The following PTK2B variants were observed in gnomAD, a reference collection of about 807,000 sequenced individuals.
The protein encoded by PTK2B is protein-tyrosine kinase 2-beta.
In PTK2B, 71 loss-of-function variants were observed where a neutral mutation model predicts 142.9. That is an observed-to-expected ratio of 0.50 (90% CI 0.41 to 0.61). The LOEUF (loss-of-function observed/expected upper bound fraction) is 0.61. Among genes scored for constraint, PTK2B ranks in the 20% least tolerant of loss-of-function variants. The pLI, the probability that PTK2B is intolerant of heterozygous loss-of-function variation, is 0.00. For missense variants in PTK2B, 1,105 were observed against 1,320.4 expected, an observed-to-expected ratio of 0.84 and a Z score of 2.53; for synonymous variants, 519 against 503.4, an observed-to-expected ratio of 1.03 and a Z score of -0.42.
At chr8:27,413,183 C>T (rs995226677) in intron 2 of PTK2B, among the ~76,000 whole-genome samples, 2 of 152,164 alleles carry the variant, frequency 1.3e-5, no homozygotes, top group Non-Finnish European at 2.9e-5. Flanking sequence ...TGCCCATTAT[C>T]GTTATTCTTT....
chr8:27,432,960 G>A (rs1032540393), intron 10 of PTK2B, among the ~76,000 whole-genome samples: 4 of 152,134 alleles, frequency 2.6e-5, no homozygotes, highest in Non-Finnish European at 5.9e-5. Context: ...CTGAGTAGCT[G>A]GGACTACAGG....
chr8:27,458,683 T>A lies in PTK2B; in HGVS notation c.*174T>A. ...CTACCCCTGGCTGTACTGCTCAGGC[T>A]GCAGCTGGACAGAGGGGACTCTGGG... On this transcript the variant is annotated 3_prime_UTR_variant, in exon 31 of 31. Transcript: ENST00000346049. 1.5e-6 allele frequency: 1 copy of A among 659,624 alleles called. No individual in the cohort carries two copies. The highest frequency in any genetic ancestry group is 1.9e-5 in the South Asian group (1 of 53,150). The allele number at this position is 659,624 out of a possible 1,614,324, so 40.9% of individuals were successfully genotyped here.
At chr8:27,340,704 C>A (rs539757427) in intron 1 of PTK2B, among the ~76,000 whole-genome samples, 1 of 152,360 alleles carries the variant, frequency 6.6e-6, no homozygotes, top group South Asian at 2.1e-4. Flanking sequence ...CATGGGCAGA[C>A]AGGCATTTCT....
chr8:27,311,113 G>A (rs760449319), upstream of PTK2B: 6 of 1,600,142 alleles, frequency 3.7e-6, no homozygotes, highest in Admixed American at 3.5e-5. Flanking sequence ...CGCACCCGCG[G>A]CAGAAGTTGT....
chr8:27,422,427 C>T (rs1809819008), intron 5 of PTK2B, 44 bp downstream of exon 5: 1 of 1,524,118 alleles, frequency 6.6e-7, no homozygotes, highest in East Asian at 2.3e-5. Flanking sequence ...CTGTGCTGAG[C>T]TCTGGGCAGG....
intron 14 of PTK2B, 94 bp downstream of exon 14, chr8:27,435,887 C>T: frequency 7.1e-7 from 1 of 1,408,136 alleles, no homozygotes; most frequent in South Asian, 1.2e-5. Flanking sequence ...CATTCTTTTC[C>T]TCCTTTATCC....
chr8:27,405,963 T>C (rs865999933), intron 2 of PTK2B, among the ~76,000 whole-genome samples: 25 of 152,330 alleles, frequency 1.6e-4, no homozygotes, highest in Middle Eastern at 3.4e-3. Context: ...CTGCAAATTA[T>C]CACAAACCTG....
At chr8:27,313,644 C>T (rs1186502594) in intron 3 of PTK2B, among the ~76,000 whole-genome samples, 1 of 152,122 alleles carries the variant, frequency 6.6e-6, no homozygotes, top group Non-Finnish European at 1.5e-5. Context: ...GCACCATGTG[C>T]TTAGGAATTT....
At chr8:27,322,574 T>C (rs1461545993), upstream of PTK2B, 1 of 152,248 alleles carries the variant, frequency 6.6e-6, no homozygotes, top group African/African-American at 2.4e-5. Flanking sequence ...ATAGAATTTT[T>C]CATAGCATTT....
At chr8:27,339,400 C>T (rs1304113378) in intron 1 of PTK2B, among the ~76,000 whole-genome samples, 3 of 152,340 alleles carry the variant, frequency 2.0e-5, no homozygotes, top group Middle Eastern at 3.4e-3. Flanking sequence ...TCAGAGGCCA[C>T]ACTCACCACC....
intron 1 of PTK2B, among the ~76,000 whole-genome samples, chr8:27,359,222 TCTC>T (rs1474624823): frequency 6.6e-6 from 1 of 152,156 alleles, no homozygotes; most frequent in African/African-American, 2.4e-5. Flanking sequence ...TTCAAGTAAT[TCTC>T]CTGCCACAGC....
rs372469672 is a variant in PTK2B at position 27,433,587 on chromosome 8, C to T, written c.1105+35C>T. 1.5e-4 allele frequency: 235 copies of T among 1,560,654 alleles called. 1 individual carries two copies. The highest frequency in any genetic ancestry group is 1.9e-4 in the Non-Finnish European group (213 of 1,133,050). On this transcript the variant is annotated intron_variant, in intron 11 of 30. Coordinates refer to ENST00000346049, the MANE Select transcript of PTK2B (RefSeq NM_173176.3). ...ATTTAAAGGTAAAGTGGCTGGACCA[C>T]GGGTGGCAGCACACCCGAGTCCCCA... is the stretch of plus-strand genomic sequence containing the variant.
intron 2 of PTK2B, among the ~76,000 whole-genome samples, chr8:27,401,614 G>T (rs1040266717): frequency 2.0e-5 from 3 of 152,222 alleles, no homozygotes; most frequent in Non-Finnish European, 4.4e-5. Context: ...CACATAGCGG[G>T]TTTGAGACTA....
intron 1 of PTK2B, among the ~76,000 whole-genome samples, chr8:27,378,601 C>G (rs1045366132): frequency 2.7e-5 from 4 of 148,286 alleles, no homozygotes; most frequent in Admixed American, 2.0e-4. Context: ...TACAGCTTAT[C>G]TGTGTGTGTG....
chr8:27,336,733 G>A (rs1223843848), intron 1 of PTK2B, among the ~76,000 whole-genome samples: 1 of 152,202 alleles, frequency 6.6e-6, no homozygotes, highest in East Asian at 1.9e-4. Flanking sequence ...CTTGTCACCA[G>A]AACCCTTTCT....
intron 1 of PTK2B, among the ~76,000 whole-genome samples, chr8:27,362,628 T>G (rs1353870318): frequency 6.7e-6 from 1 of 149,614 alleles, no homozygotes; most frequent in Non-Finnish European, 1.5e-5. Flanking sequence ...GTGTTTTCTT[T>G]CCCCCCACCA....
At chr8:27,409,552 G>T (rs1375490613) in intron 2 of PTK2B, among the ~76,000 whole-genome samples, 8 of 152,144 alleles carry the variant, frequency 5.3e-5, no homozygotes, top group Non-Finnish European at 1.5e-5. Context: ...GGACTGGAAA[G>T]AACATGTGGG....
intron 15 of PTK2B, 140 bp downstream of exon 15, chr8:27,436,488 G>T (rs1019925950): frequency 2.5e-5 from 17 of 692,722 alleles, no homozygotes; most frequent in Non-Finnish European, 4.1e-5. Context: ...TGTCCACTGG[G>T]CATGGTGGTA....
chr8:27,348,989 A>G (rs1031463906), intron 1 of PTK2B, among the ~76,000 whole-genome samples: 2 of 151,922 alleles, frequency 1.3e-5, no homozygotes, highest in African/African-American at 4.8e-5. Flanking sequence ...TGTCTTTCCA[A>G]CACCCCATCA....
Sources: allele counts gnomAD v4.1 joint callset (sites outside exome capture counted in the v4.1 genomes callset), GRCh38; gene constraint gnomAD v4.1.1; transcripts MANE v1.5; gene names NCBI Gene and HGNC (gene_info 2026-07-23, HGNC 2026-07-21).